The following RARB variants were observed in gnomAD, a reference collection of about 807,000 sequenced individuals.
The protein encoded by RARB is HBV-activated protein.
RARB carries 17 observed loss-of-function variants against 51.9 expected under a neutral mutation model. The observed-to-expected ratio is 0.33, with a 90% CI of 0.22 to 0.49. The LOEUF (loss-of-function observed/expected upper bound fraction) is 0.49. Among genes scored for constraint, RARB ranks in the 20% least tolerant of loss-of-function variants. The pLI is 0.99. For synonymous variants in RARB, 215 were observed against 195.4 expected (o/e 1.10, Z -0.84); for missense variants, 369 against 550.8 (o/e 0.67, Z 3.30).
chr3:24,964,013 G>C (rs1033451330), intron 2 of RARB, among the ~76,000 whole-genome samples: 1 of 152,140 alleles, frequency 6.6e-6, no homozygotes, highest in Middle Eastern at 3.4e-3. Flanking sequence ...CAGAACAAAA[G>C]GGTCACAGAA....
intron 3 of RARB, among the ~76,000 whole-genome samples, chr3:25,565,285 A>C (rs1380648235): frequency 6.6e-6 from 1 of 152,176 alleles, no homozygotes; most frequent in African/African-American, 2.4e-5. Context: ...AATGGGTATA[A>C]TAGTGATATC....
intron 4 of RARB, among the ~76,000 whole-genome samples, chr3:25,576,099 A>G (rs533589074): frequency 6.3e-5 from 9 of 142,406 alleles, no homozygotes; most frequent in Non-Finnish European, 1.4e-4. Flanking sequence ...AAGCAATAGC[A>G]TGAACACGGC....
At chr3:25,353,133 C>T (rs1384638709) in intron 5 of RARB, among the ~76,000 whole-genome samples, 1 of 151,966 alleles carries the variant, frequency 6.6e-6, no homozygotes, top group Admixed American at 6.6e-5. Context: ...GCTGCCTTTA[C>T]TTTAAAGTTT....
At chr3:24,873,076 T>A (rs888134074) in intron 2 of RARB, among the ~76,000 whole-genome samples, 3 of 152,218 alleles carry the variant, frequency 2.0e-5, no homozygotes, top group Admixed American at 6.5e-5. Context: ...ATACATTTTT[T>A]AAAAAGTGGG....
At chr3:24,864,995 A>G (rs1347244091) in intron 2 of RARB, among the ~76,000 whole-genome samples, 1 of 152,164 alleles carries the variant, frequency 6.6e-6, no homozygotes, top group Non-Finnish European at 1.5e-5. Flanking sequence ...CCTCTCCTAA[A>G]TAGGTATTAA....
At chr3:24,979,193 A>G (rs1696584784) in intron 2 of RARB, among the ~76,000 whole-genome samples, 1 of 152,208 alleles carries the variant, frequency 6.6e-6, no homozygotes, top group South Asian at 2.1e-4. Context: ...ATTTTAGAAT[A>G]AGTGCGATGT....
At chr3:25,034,293 C>T (rs112902019) in intron 2 of RARB, among the ~76,000 whole-genome samples, 1,717 of 152,262 alleles carry the variant, frequency 0.011, 12 homozygotes, top group Non-Finnish European at 0.019. Flanking sequence ...CTGGGCCGCA[C>T]AGGGAGACCT....
intron 2 of RARB, among the ~76,000 whole-genome samples, chr3:24,904,301 G>A (rs956553678): frequency 6.6e-6 from 1 of 151,982 alleles, no homozygotes; most frequent in Non-Finnish European, 1.5e-5. Flanking sequence ...AATGTGCAAG[G>A]ATATTATTAG....
intron 3 of RARB, among the ~76,000 whole-genome samples, chr3:25,120,620 A>C (rs1699769197): frequency 6.6e-6 from 1 of 150,572 alleles, no homozygotes; most frequent in Non-Finnish European, 1.5e-5. Flanking sequence ...TTCATACTGG[A>C]GGTAAGTTAT....
intron 5 of RARB, among the ~76,000 whole-genome samples, chr3:25,196,798 AT>A (rs1701251084): frequency 6.6e-6 from 1 of 151,868 alleles, no homozygotes; most frequent in African/African-American, 2.4e-5. Flanking sequence ...TGTGGTTTTG[AT>A]TTGCATTTGT....
intron 5 of RARB, among the ~76,000 whole-genome samples, chr3:25,235,584 C>T (rs1410668716): frequency 6.6e-6 from 1 of 152,152 alleles, no homozygotes; most frequent in Admixed American, 6.6e-5. Context: ...GCCTTTTACT[C>T]ACTCAAATCA....
intron 2 of RARB, among the ~76,000 whole-genome samples, chr3:24,877,709 C>G (rs12493197): frequency 0.23 from 35,688 of 151,926 alleles, 5,548 homozygotes; most frequent in Non-Finnish European, 0.33. Flanking sequence ...GCTGGCATAC[C>G]TCTCAGAAGG....
intron 3 of RARB, among the ~76,000 whole-genome samples, chr3:25,564,660 C>T (rs192613572): frequency 2.6e-5 from 4 of 152,248 alleles, no homozygotes; most frequent in Non-Finnish European, 4.4e-5. Context: ...ATCTGTGGGT[C>T]GGATCTTGTA....
intron 4 of RARB, among the ~76,000 whole-genome samples, chr3:25,159,388 C>T (rs886544809): frequency 4.9e-5 from 7 of 142,390 alleles, no homozygotes; most frequent in African/African-American, 1.8e-4. Flanking sequence ...AGGCTGGTCT[C>T]GAACTCCTGA....
At position 25,315,760 on chromosome 3, in the gene RARB, T is replaced by A. The variant is rs547938977; in HGVS notation, c.178+141185T>A. On this transcript the variant is annotated intron_variant, in intron 5 of 11. Transcript: ENST00000383772. The stretch of plus-strand genomic sequence containing the variant: ...TCCAGAGTAGCTGGAATTACAGGCA[T>A]GCACCACCACACTCAGCTAATTTTT... Among the ~76,000 whole-genome samples, 379 of 151,344 alleles carry A rather than the reference T, an allele frequency of 2.5e-3. 3 individuals carry two copies. Among genetic ancestry groups the A allele is most frequent in the African/African-American group, 7.8e-3 (321 of 41,032 alleles).
chr3:24,886,961 C>G (rs942012608), intron 2 of RARB, among the ~76,000 whole-genome samples: 1 of 152,196 alleles, frequency 6.6e-6, no homozygotes, highest in Non-Finnish European at 1.5e-5. Context: ...TGCATACAAA[C>G]TTTTAATAAA....
intron 2 of RARB, among the ~76,000 whole-genome samples, chr3:24,950,802 TAAAG>T (rs1287347516): frequency 6.6e-6 from 1 of 151,656 alleles, no homozygotes; most frequent in Non-Finnish European, 1.5e-5. Flanking sequence ...CTAATAAAAA[TAAAG>T]CATAATGTAG....
chr3:24,908,150 A>G (rs1694907571), intron 2 of RARB, among the ~76,000 whole-genome samples: 1 of 152,146 alleles, frequency 6.6e-6, no homozygotes, highest in South Asian at 2.1e-4. Context: ...CCTCTGAATG[A>G]TGGCCAGTGG....
chr3:25,159,154 CTTTTTTTTTT>C lies in RARB; in HGVS notation c.-279-14948_-279-14939del, dbSNP rs397874262. On this transcript the variant is annotated intron_variant, in intron 4 of 11. Transcript: ENST00000383772. ...TCCCAAGAAAACTGTTCCAAATTGTCTTTTTTTTTTTTTTTTTTTTTTTTTTGAGATGGAG... is the reference window on the plus strand; with the variant it reads ...TCCCAAGAAAACTGTTCCAAATTGTCTTTTTTTTTTTTTTTTGAGATGGAG... Among the ~76,000 whole-genome samples the C allele has an allele frequency of 1.3e-3, 85 of 65,308 alleles. 1 individual carries two copies. The highest frequency in any genetic ancestry group is 5.4e-3 in the African/African-American group (81 of 14,872). The allele number at this position is 65,308 out of a possible 152,430, so 42.8% of individuals were successfully genotyped here. A position where few individuals can be genotyped will look rare whatever the true frequency, so the allele number is the denominator to read the frequency against.
Sources: allele counts gnomAD v4.1 joint callset (sites outside exome capture counted in the v4.1 genomes callset), GRCh38; gene constraint gnomAD v4.1.1; transcripts MANE v1.5; gene names NCBI Gene and HGNC (gene_info 2026-07-23, HGNC 2026-07-21).